The following CDH8 variants were observed in gnomAD, a reference collection of about 807,000 sequenced individuals.
CDH8 encodes cadherin-8.
CDH8 carries 17 observed loss-of-function variants against 68.1 expected under a neutral mutation model. The observed-to-expected ratio is 0.25, with a 90% CI of 0.17 to 0.37. The LOEUF is 0.37. Ranked by LOEUF, CDH8 falls within the 10% of genes least tolerant of loss-of-function variation. CDH8 has a pLI of 1.00. For missense variants in CDH8, 763 were observed against 999.3 expected, an observed-to-expected ratio of 0.76 and a Z score of 3.19; for synonymous variants, 372 against 365.1, an observed-to-expected ratio of 1.02 and a Z score of -0.21.
At chr16:61,680,759 T>G (rs1437323254) in intron 10 of CDH8, among the ~76,000 whole-genome samples, 2 of 151,962 alleles carry the variant, frequency 1.3e-5, no homozygotes, top group Non-Finnish European at 2.9e-5. Flanking sequence ...TGTAAGGTTT[T>G]AAATTTCATG....
intron 7 of CDH8, among the ~76,000 whole-genome samples, chr16:61,794,351 T>G (rs1018508972): frequency 9.2e-5 from 14 of 152,022 alleles, no homozygotes; most frequent in Non-Finnish European, 2.1e-4. Flanking sequence ...CTGGCGTATA[T>G]GTGATTTAGT....
intron 3 of CDH8, among the ~76,000 whole-genome samples, chr16:61,872,290 C>G (rs1963384295): frequency 6.6e-6 from 1 of 152,174 alleles, no homozygotes; most frequent in Non-Finnish European, 1.5e-5. Context: ...CATGACACAG[C>G]CTCAGGAGGT....
chr16:62,002,933 G>A (rs1965916178), intron 2 of CDH8, among the ~76,000 whole-genome samples: 1 of 152,094 alleles, frequency 6.6e-6, no homozygotes, highest in Non-Finnish European at 1.5e-5. Context: ...GGCACCTGTA[G>A]TCCCAACTAC....
rs559771774 is a variant in CDH8, at chr16:61,889,772, T to C, written c.547+11407A>G. Among the ~76,000 whole-genome samples the C allele has an allele frequency of 1.8e-4, 28 of 152,290 alleles. No individual in the cohort carries two copies. In the South Asian group the frequency reaches 3.3e-3, roughly 18 times the overall value. On this transcript the variant is annotated intron_variant, in intron 3 of 11. Transcript: ENST00000577390. Reference sequence around the variant, plus strand: ...GCTTGAATAAACAGGAAGATTTGCCTTTTTATCTTCTGGAATCAACAAATA... The same window carrying C: ...GCTTGAATAAACAGGAAGATTTGCCCTTTTATCTTCTGGAATCAACAAATA...
chr16:62,013,931 CT>C (rs1901877982), intron 2 of CDH8, among the ~76,000 whole-genome samples: 2 of 152,184 alleles, frequency 1.3e-5, no homozygotes, highest in Non-Finnish European at 2.9e-5. Flanking sequence ...TGAGATGACT[CT>C]CAAATAGCTG....
intron 8 of CDH8, among the ~76,000 whole-genome samples, chr16:61,774,095 T>G (rs1406126965): frequency 6.6e-6 from 1 of 152,028 alleles, no homozygotes; most frequent in Non-Finnish European, 1.5e-5. Flanking sequence ...ACATGCTGCA[T>G]TTTCATTCTT....
chr16:61,870,049 G>C (rs1052357704), intron 3 of CDH8, among the ~76,000 whole-genome samples: 2 of 152,148 alleles, frequency 1.3e-5, no homozygotes, highest in African/African-American at 4.8e-5. Context: ...GTTGACTCCA[G>C]TAATATAGCC....
At chr16:61,816,143 C>T (rs896727692) in intron 7 of CDH8, among the ~76,000 whole-genome samples, 14 of 152,080 alleles carry the variant, frequency 9.2e-5, no homozygotes, top group Admixed American at 2.6e-4. Context: ...AGGTTAGACT[C>T]TTCTGCAGGA....
chr16:61,875,559 T>C (rs1265230591), intron 3 of CDH8, among the ~76,000 whole-genome samples: 2 of 152,208 alleles, frequency 1.3e-5, no homozygotes, highest in Non-Finnish European at 2.9e-5. Context: ...TAATGTGTTA[T>C]ATAACGCTTT....
chr16:61,980,706 A>C, intron 2 of CDH8, among the ~76,000 whole-genome samples: 1 of 152,228 alleles, frequency 6.6e-6, no homozygotes, highest in East Asian at 1.9e-4. Context: ...TATGTGACCC[A>C]CAGAGCCTAT....
intron 2 of CDH8, among the ~76,000 whole-genome samples, chr16:61,924,020 A>AT (rs1279713394): frequency 6.6e-6 from 1 of 151,070 alleles, no homozygotes; most frequent in Non-Finnish European, 1.5e-5. Flanking sequence ...CCAAAAAAAA[A>AT]CTTGGATTTC....
intron 10 of CDH8, among the ~76,000 whole-genome samples, chr16:61,660,892 C>G (rs1215792920): frequency 6.6e-6 from 1 of 151,830 alleles, no homozygotes; most frequent in Non-Finnish European, 1.5e-5. Flanking sequence ...GAATTTGTCA[C>G]CAGCAGGCAT....
intron 3 of CDH8, among the ~76,000 whole-genome samples, chr16:61,875,462 G>T (rs1443857506): frequency 6.6e-6 from 1 of 152,116 alleles, no homozygotes; most frequent in Non-Finnish European, 1.5e-5. Flanking sequence ...TCAAGTTGAA[G>T]AACCAGTGCA....
intron 8 of CDH8, 55 bp downstream of exon 8, chr16:61,789,291 A>G (rs1443035373): frequency 6.6e-7 from 1 of 1,516,204 alleles, no homozygotes. Flanking sequence ...GTTATTAATA[A>G]GCATAAATTG....
intron 3 of CDH8, among the ~76,000 whole-genome samples, chr16:61,862,166 C>T (rs1448885936): frequency 2.7e-5 from 4 of 146,292 alleles, no homozygotes; most frequent in Non-Finnish European, 4.5e-5. Flanking sequence ...CACACACACA[C>T]ACAGTATCTC....
At chr16:62,010,955 A>AAG (rs397789747) in intron 2 of CDH8, among the ~76,000 whole-genome samples, 1 of 151,158 alleles carries the variant, frequency 6.6e-6, no homozygotes, top group Non-Finnish European at 1.5e-5. Flanking sequence ...AAAAAAAAAA[A>AAG]CAAACCCTCT....
intron 4 of CDH8, among the ~76,000 whole-genome samples, chr16:61,845,420 G>T (rs1253039417): frequency 6.7e-6 from 1 of 148,338 alleles, no homozygotes; most frequent in African/African-American, 2.5e-5. Flanking sequence ...GGAATGGAAG[G>T]AAAGTTCCAA....
intron 2 of CDH8, among the ~76,000 whole-genome samples, chr16:61,982,592 T>G (rs1372569774): frequency 6.6e-6 from 1 of 152,182 alleles, no homozygotes; most frequent in Non-Finnish European, 1.5e-5. Flanking sequence ...AATACCCTCT[T>G]TGAGTTGTTA....
chr16:61,755,015 T>C (rs960754062), intron 8 of CDH8, among the ~76,000 whole-genome samples: 1 of 152,200 alleles, frequency 6.6e-6, no homozygotes, highest in East Asian at 1.9e-4. Context: ...AGTCAGAACA[T>C]GCAGTATTTA....
Sources: allele counts gnomAD v4.1 joint callset (sites outside exome capture counted in the v4.1 genomes callset), GRCh38; gene constraint gnomAD v4.1.1; transcripts MANE v1.5; gene names NCBI Gene and HGNC (gene_info 2026-07-23, HGNC 2026-07-21).